RELN: variants seen among roughly 807,000 people sequenced by gnomAD.
RELN encodes reelin.
RELN carries 108 observed loss-of-function variants against 427.6 expected under a neutral mutation model. The ratio of observed to expected loss-of-function variants is 0.25; its 90% CI spans 0.22 to 0.30. The LOEUF (loss-of-function observed/expected upper bound fraction) is 0.30. Ranked by LOEUF, RELN falls within the 10% of genes least tolerant of loss-of-function variation. The probability of loss-of-function intolerance (pLI) is 1.00; values close to 1 mark genes in which losing one functional copy is unlikely to be tolerated. For missense variants in RELN, 3,715 were observed against 4,302.8 expected (o/e 0.86, Z 3.82); for synonymous variants, 1,524 against 1,513.4 (o/e 1.01, Z -0.16).
chr7:103,776,811 G>A (rs1584484677), intron 3 of RELN, among the ~76,000 whole-genome samples, 184 bp from the exon 4 acceptor site: 1 of 152,226 alleles, frequency 6.6e-6, no homozygotes, highest in East Asian at 1.9e-4. Context: ...CACCTGGGTT[G>A]AGGACTGTCT....
Position 103,472,486 on chromosome 7 carries a change from T to TA in RELN, c.*325dup. ...ACTGTGCTAAATGCCATTTTAAACATAAAATCTCTTAAATTTTTTGTGCTT... is the reference window on the plus strand; with the variant it reads ...ACTGTGCTAAATGCCATTTTAAACATAAAAATCTCTTAAATTTTTTGTGCTT... On this transcript the variant is annotated 3_prime_UTR_variant, in exon 65 of 65. Transcript: ENST00000428762. The TA allele has an allele frequency of 8.7e-6, 3 of 343,686 alleles. No individual in the cohort carries two copies. Among genetic ancestry groups the TA allele is most frequent in the South Asian group, 8.1e-5 (3 of 37,076 alleles). The allele number at this position is 343,686 out of a possible 1,614,324, so 21.3% of individuals were successfully genotyped here. A position where few individuals can be genotyped will look rare whatever the true frequency, so the allele number is the denominator to read the frequency against.
chr7:103,608,185 A>C (rs184497203), intron 22 of RELN, among the ~76,000 whole-genome samples: 2 of 152,350 alleles, frequency 1.3e-5, no homozygotes, highest in African/African-American at 4.8e-5. Context: ...GCTATTTGCA[A>C]AGGTTTAAAA....
At chr7:103,716,874 A>C (rs566945044) in intron 8 of RELN, among the ~76,000 whole-genome samples, 1 of 152,176 alleles carries the variant, frequency 6.6e-6, no homozygotes, top group Non-Finnish European at 1.5e-5. Context: ...CAACGGGATG[A>C]GTTTTCATGG....
intron 1 of RELN, among the ~76,000 whole-genome samples, chr7:103,959,462 A>T (rs936537230): frequency 1.3e-5 from 2 of 152,106 alleles, no homozygotes; most frequent in Non-Finnish European, 2.9e-5. Context: ...AGTTCTCTCA[A>T]ACTTAACATG....
intron 9 of RELN, among the ~76,000 whole-genome samples, chr7:103,699,433 C>T (rs370414560): frequency 9.9e-5 from 15 of 152,214 alleles, no homozygotes; most frequent in Middle Eastern, 3.4e-3. Context: ...ATTGGGAGCA[C>T]TTTCACTCTA....
In RELN at chr7:103,989,556, G is replaced by A. The variant is rs1205481241; in HGVS notation, c.-200C>T. Reference sequence around the variant, plus strand: ...ACGGCGGCTCCCAAAGTTACTTTGGGCCGCGGGAGCGCGGGACCGGGGCTG... The same window carrying A: ...ACGGCGGCTCCCAAAGTTACTTTGGACCGCGGGAGCGCGGGACCGGGGCTG... On this transcript the variant is annotated 5_prime_UTR_variant, in exon 1 of 65. Coordinates refer to ENST00000428762, the MANE Select transcript of RELN (RefSeq NM_005045.4). The surrounding 1 kb of genome is among the most constrained non-coding windows in gnomAD (Gnocchi z 4.9). 1.1e-5 allele frequency: 5 copies of A among 450,364 alleles called. No individual in the cohort carries two copies. The highest frequency in any genetic ancestry group is 4.2e-5 in the African/African-American group (2 of 47,706). The allele number at this position is 450,364 out of a possible 1,614,324, so 27.9% of individuals were successfully genotyped here.
At chr7:103,804,081 T>C (rs900407270) in intron 3 of RELN, among the ~76,000 whole-genome samples, 1 of 152,204 alleles carries the variant, frequency 6.6e-6, no homozygotes, top group East Asian at 1.9e-4. Flanking sequence ...CTTTATCACA[T>C]CTAGGCATTT....
intron 3 of RELN, among the ~76,000 whole-genome samples, chr7:103,805,726 C>T (rs1297562047): frequency 1.3e-5 from 2 of 152,158 alleles, no homozygotes; most frequent in Middle Eastern, 3.2e-3. Flanking sequence ...AAATGTGCTA[C>T]AATTGGTCCC....
At chr7:103,880,116 T>C (rs1794572838) in intron 2 of RELN, among the ~76,000 whole-genome samples, 1 of 151,976 alleles carries the variant, frequency 6.6e-6, no homozygotes, top group Admixed American at 6.6e-5. Context: ...AGCCCACTTG[T>C]TCTTCATCTC....
At chr7:103,574,388 C>T in intron 29 of RELN, 89 bp from the exon 30 acceptor site, 1 of 1,091,648 alleles carries the variant, frequency 9.2e-7, no homozygotes, top group African/African-American at 1.5e-5. Flanking sequence ...GAAGAATGTC[C>T]ATAGGGATTA....
At chr7:103,591,309 C>T (rs993607396) in intron 27 of RELN, among the ~76,000 whole-genome samples, 2 of 151,902 alleles carry the variant, frequency 1.3e-5, no homozygotes, top group South Asian at 2.1e-4. Flanking sequence ...GAACATGATA[C>T]GACAAAAAAA....
chr7:103,859,698 A>G (rs908092953), intron 2 of RELN, among the ~76,000 whole-genome samples: 3 of 152,198 alleles, frequency 2.0e-5, no homozygotes, highest in Non-Finnish European at 4.4e-5. Flanking sequence ...ATTTCATTGC[A>G]TTCCCCATAG....
At chr7:103,494,618 C>T (rs1828776885) in intron 57 of RELN, among the ~76,000 whole-genome samples, 1 of 149,226 alleles carries the variant, frequency 6.7e-6, no homozygotes, top group African/African-American at 2.5e-5. Flanking sequence ...CTCTTGGCCT[C>T]AGAGATCCTT....
At chr7:103,583,586 C>T (rs758629641) in intron 28 of RELN, among the ~76,000 whole-genome samples, 17 of 152,182 alleles carry the variant, frequency 1.1e-4, no homozygotes, top group Non-Finnish European at 2.2e-4. Context: ...CCAGAGATAT[C>T]AGACACCCAT....
chr7:103,659,032 C>T (rs1045636242), intron 12 of RELN, among the ~76,000 whole-genome samples: 3 of 151,680 alleles, frequency 2.0e-5, no homozygotes, highest in African/African-American at 7.3e-5. Context: ...CTTGGGAGAA[C>T]ATAGCAGTTC....
intron 6 of RELN, among the ~76,000 whole-genome samples, chr7:103,731,738 G>T (rs1790360373): frequency 6.6e-6 from 1 of 152,054 alleles, no homozygotes; most frequent in African/African-American, 2.4e-5. Flanking sequence ...AATAAGGTGG[G>T]ATGGAGCAAA....
chr7:103,621,903 C>T (rs753874462), intron 20 of RELN, among the ~76,000 whole-genome samples: 81 of 152,174 alleles, frequency 5.3e-4, no homozygotes, highest in Non-Finnish European at 9.8e-4. Context: ...GTAATTCCAG[C>T]TACTCAGGTG....
rs558447801 is a variant in RELN, at chr7:103,626,543, G to A, written c.2702+3397C>T. On this transcript the variant is annotated intron_variant, in intron 20 of 64. Transcript: ENST00000428762. The surrounding 1 kb of genome is among the most constrained non-coding windows in gnomAD (Gnocchi z 4.4). ...TTTGTGTATTTTCAGTAGAGATGGC[G>A]TTTTACCATGTTGGCCAGGCTGGTC... Among the ~76,000 whole-genome samples the A allele has an allele frequency of 3.9e-5, 6 of 152,166 alleles. No individual in the cohort carries two copies. The highest frequency in any genetic ancestry group is 6.5e-5 in the Admixed American group (1 of 15,280).
intron 1 of RELN, among the ~76,000 whole-genome samples, chr7:103,942,955 C>T (rs1796146552): frequency 6.6e-6 from 1 of 151,936 alleles, no homozygotes; most frequent in Non-Finnish European, 1.5e-5. Context: ...TGGAGAACCA[C>T]TGCTTTGTTT....
Sources: gnomAD v4.1 joint callset for allele counts (sites outside exome capture counted in the v4.1 genomes callset) on GRCh38, gnomAD v4.1.1 for gene constraint, Gnocchi (gnomAD v3.1) non-coding constraint, MANE v1.5 for transcripts, NCBI Gene and HGNC (gene_info 2026-07-23, HGNC 2026-07-21) for gene names.